The following CTNND2 variants were observed in gnomAD, a reference collection of about 807,000 sequenced individuals.
CTNND2 encodes the protein catenin delta-2.
CTNND2 carries 22 observed loss-of-function variants against 144.4 expected under a neutral mutation model. The observed-to-expected ratio is 0.15, with a 90% CI of 0.11 to 0.22. CTNND2 has a LOEUF of 0.22. Ranked by LOEUF, CTNND2 falls within the 10% of genes least tolerant of loss-of-function variation. The pLI is 1.00. For missense variants in CTNND2, 1,353 were observed against 1,618.8 expected, an observed-to-expected ratio of 0.84 and a Z score of 2.82; for synonymous variants, 751 against 695.6, an observed-to-expected ratio of 1.08 and a Z score of -1.25.
At chr5:11,308,587 G>A (rs1374814467) in intron 9 of CTNND2, among the ~76,000 whole-genome samples, 1 of 152,220 alleles carries the variant, frequency 6.6e-6, no homozygotes, top group East Asian at 1.9e-4. Flanking sequence ...CAAAATTAGT[G>A]ATGAACTACA....
intron 7 of CTNND2, among the ~76,000 whole-genome samples, chr5:11,383,018 G>A (rs1377679412): frequency 6.6e-6 from 1 of 152,044 alleles, no homozygotes; most frequent in Admixed American, 6.6e-5. Context: ...GCTCTATTCA[G>A]CTCCATTCAC....
intron 3 of CTNND2, among the ~76,000 whole-genome samples, chr5:11,423,743 A>G (rs535799259): frequency 6.6e-5 from 10 of 152,302 alleles, no homozygotes; most frequent in African/African-American, 2.2e-4. Flanking sequence ...TACATATGTC[A>G]TCTACTACAG....
At chr5:11,429,225 A>G (rs1265592023) in intron 3 of CTNND2, among the ~76,000 whole-genome samples, 1 of 152,172 alleles carries the variant, frequency 6.6e-6, no homozygotes, top group Non-Finnish European at 1.5e-5. Flanking sequence ...TATAAACTTG[A>G]GCAAACTAAT....
chr5:11,665,841 G>A (rs1034956762), intron 2 of CTNND2, among the ~76,000 whole-genome samples: 21 of 152,076 alleles, frequency 1.4e-4, no homozygotes, highest in Non-Finnish European at 2.6e-4. Context: ...TGGACCACAA[G>A]GGTTATCCTC....
chr5:11,199,379 T>C (rs1263235466), intron 11 of CTNND2, 69 bp downstream of exon 11: 1 of 1,357,320 alleles, frequency 7.4e-7, no homozygotes, highest in African/African-American at 1.5e-5. Context: ...ATTAGTACAT[T>C]TGCCTCTGTG....
chr5:11,857,533 C>T (rs1795306448), intron 1 of CTNND2, among the ~76,000 whole-genome samples: 1 of 152,116 alleles, frequency 6.6e-6, no homozygotes, highest in Non-Finnish European at 1.5e-5. Context: ...ATACCTGTGT[C>T]CTAATGAGGC....
intron 1 of CTNND2, among the ~76,000 whole-genome samples, chr5:11,761,105 C>T (rs578250215): frequency 6.6e-6 from 1 of 152,222 alleles, no homozygotes; most frequent in South Asian, 2.1e-4. Context: ...AAAGACGATA[C>T]CGAGTGTTGA....
chr5:11,786,535 TCAGGAAAGGCTGAAGCAA>T (rs1284725902), intron 1 of CTNND2, among the ~76,000 whole-genome samples: 6 of 152,074 alleles, frequency 3.9e-5, no homozygotes, highest in Non-Finnish European at 8.8e-5. Context: ...TTCCCTAAAA[TCAGGAAAGGCTGAAGCAA>T]GATGGGCAGA....
At position 11,236,781 on chromosome 5, in the gene CTNND2, C is replaced by A; in HGVS notation, c.1671G>T (p.Gln557His). The A allele has an allele frequency of 6.2e-7, 1 of 1,614,214 alleles. No individual in the cohort carries two copies. The highest frequency in any genetic ancestry group is 8.5e-7 in the Non-Finnish European group (1 of 1,180,036). Residue 557 changes from glutamine (Q) to histidine (H), a missense_variant, in exon 10 of 22, where the codon CAG becomes CAT. Around this residue, in one of 4 missense-constraint regions of CTNND2, gnomAD observed 69 missense variants for 120.3 expected, o/e 0.57. Coordinates refer to ENST00000304623, the MANE Select transcript of CTNND2 (RefSeq NM_001332.4). ...WRDPELPEVI[Q>H]MLQHQFPSVQ... ...CCGAGGGAAACTGGTGCTGCAACAT[C>A]TGAATCACTTCCGGCAGTTCCGGGT...
chr5:11,865,692 A>G (rs1795727394), intron 1 of CTNND2, among the ~76,000 whole-genome samples: 1 of 152,020 alleles, frequency 6.6e-6, no homozygotes, highest in Non-Finnish European at 1.5e-5. Context: ...TAAGGTCTCT[A>G]ATCAGCTGAA....
intron 1 of CTNND2, among the ~76,000 whole-genome samples, chr5:11,763,747 T>G (rs4702823): frequency 0.86 from 130,060 of 152,114 alleles, 58,103 homozygotes; most frequent in Non-Finnish European, 0.98. Context: ...AAATGGATGA[T>G]ATGAGCTTCA....
intron 16 of CTNND2, among the ~76,000 whole-genome samples, chr5:11,077,587 C>T (rs1016302963): frequency 6.6e-6 from 1 of 152,094 alleles, no homozygotes; most frequent in African/African-American, 2.4e-5. Flanking sequence ...ATCTGCCCTG[C>T]AAAGACTTGA....
chr5:11,842,907 G>A (rs1337024346), intron 1 of CTNND2, among the ~76,000 whole-genome samples: 1 of 151,982 alleles, frequency 6.6e-6, no homozygotes, highest in African/African-American at 2.4e-5. Context: ...TATTTCTCCT[G>A]GCAATGCCGC....
intron 1 of CTNND2, among the ~76,000 whole-genome samples, chr5:11,738,360 C>T (rs72734950): frequency 0.14 from 21,641 of 152,132 alleles, 1,711 homozygotes; most frequent in East Asian, 0.27. Flanking sequence ...CCCTGCATGC[C>T]GAGCCTTCTT....
chr5:11,584,338 G>A (rs1778662524), intron 2 of CTNND2, among the ~76,000 whole-genome samples: 1 of 148,132 alleles, frequency 6.8e-6, no homozygotes, highest in South Asian at 2.1e-4. Context: ...TCTAATAATC[G>A]TTTTGCCTTG....
intron 6 of CTNND2, among the ~76,000 whole-genome samples, chr5:11,392,287 A>G (rs1462728148): frequency 1.3e-5 from 2 of 152,320 alleles, no homozygotes; most frequent in East Asian, 3.9e-4. Flanking sequence ...ATGTTCTGAA[A>G]AGTATTTCAT....
chr5:11,441,039 G>C (rs1764213440), intron 3 of CTNND2, among the ~76,000 whole-genome samples: 1 of 152,028 alleles, frequency 6.6e-6, no homozygotes, highest in Non-Finnish European at 1.5e-5. Flanking sequence ...ATCTACTTTT[G>C]TTATCTAAAG....
At chr5:11,538,152 G>C (rs1236100642) in intron 3 of CTNND2, among the ~76,000 whole-genome samples, 2 of 152,166 alleles carry the variant, frequency 1.3e-5, no homozygotes, top group East Asian at 1.9e-4. Flanking sequence ...TGCTTCTCTA[G>C]GACTGGCTGA....
intron 2 of CTNND2, among the ~76,000 whole-genome samples, chr5:11,725,164 G>T (rs1786941268): frequency 6.6e-6 from 1 of 152,168 alleles, no homozygotes; most frequent in African/African-American, 2.4e-5. Context: ...TCGATGGGCT[G>T]CCTCAGGCAT....
Sources: allele counts gnomAD v4.1 joint callset (sites outside exome capture counted in the v4.1 genomes callset), GRCh38; gene constraint gnomAD v4.1.1; regional missense constraint gnomAD v4.1.1; transcripts MANE v1.5; gene names NCBI Gene and HGNC (gene_info 2026-07-23, HGNC 2026-07-21).